The following ZNF439 variants were observed in gnomAD, a reference collection of about 807,000 sequenced individuals.
ZNF439 encodes zinc finger protein 439.
A neutral mutation model predicts 47.3 loss-of-function variants in ZNF439; 40 were observed. That is an observed-to-expected ratio of 0.85 (90% confidence interval 0.66 to 1.10). The LOEUF (loss-of-function observed/expected upper bound fraction) is 1.10. ZNF439 is among the 50% of genes least tolerant of loss of function. ZNF439 has a pLI of 0.00. For synonymous variants in ZNF439, 171 were observed against 198.8 expected (o/e 0.86, Z 1.18); for missense variants, 556 against 601.1 (o/e 0.93, Z 0.78).
chr19:11,849,465 AAC>A (rs2145148992), intron 1 of ZNF439: 1 of 257,674 alleles, frequency 3.9e-6, no homozygotes, highest in Non-Finnish European at 6.1e-6. Flanking sequence ...GGCCGAGGGA[AAC>A]ACAACCCCAA....
chr19:11,867,661 C>A lies in ZNF439; in HGVS notation c.607C>A (p.His203Asn). 6.2e-7 allele frequency: 1 copy of A among 1,614,056 alleles called. No individual in the cohort carries two copies. Among genetic ancestry groups the A allele is most frequent in the Non-Finnish European group, 8.5e-7 (1 of 1,179,988 alleles). ...CKECGKNIIYHSSIQRHMVVH... is the reference protein window; with the variant it reads ...CKECGKNIIYNSSIQRHMVVH... ...AGAATGTGGAAAAAACATTATTTAC[C>A]ATTCAAGCATTCAAAGACACATGGT... Residue 203 changes from histidine (H) to asparagine (N), a missense_variant, in exon 4 of 4, where the codon CAT becomes AAT. By Grantham distance (68) the His-to-Asn change is moderately conservative (BLOSUM62 1). Coordinates refer to ENST00000682736, the MANE Select transcript of ZNF439 (RefSeq NM_001348719.2).
At chr19:11,866,042 A>G (rs1184618647) in intron 1 of ZNF439, 163 bp from the exon 2 acceptor site, 3 of 1,472,506 alleles carry the variant, frequency 2.0e-6, no homozygotes, top group Admixed American at 2.5e-5. Context: ...AAATTGCTTT[A>G]TGGAAGAAAG....
chr19:11,863,220 G>A (rs1250758572), intron 1 of ZNF439, among the ~76,000 whole-genome samples: 1 of 136,618 alleles, frequency 7.3e-6, no homozygotes, highest in Non-Finnish European at 1.5e-5. Flanking sequence ...CCGTGGCACA[G>A]TCTCGGCTCA....
chr19:11,851,916 G>A (rs2112473), intron 1 of ZNF439, among the ~76,000 whole-genome samples: 28,169 of 152,096 alleles, frequency 0.19, 3,458 homozygotes, highest in Non-Finnish European at 0.27. Flanking sequence ...CACAAGTCTT[G>A]GGATTGCAGG....
intron 3 of ZNF439, among the ~76,000 whole-genome samples, 164 bp from the exon 4 acceptor site, chr19:11,867,142 G>A (rs1015079406): frequency 6.6e-6 from 1 of 152,184 alleles, no homozygotes; most frequent in African/African-American, 2.4e-5. Context: ...GTATGGCTAG[G>A]TCACCTTGTA....
At chr19:11,854,508 C>A (rs548415045) in intron 1 of ZNF439, among the ~76,000 whole-genome samples, 110 of 152,292 alleles carry the variant, frequency 7.2e-4, no homozygotes, top group Middle Eastern at 3.4e-3. Context: ...GCCTGTAATC[C>A]CAGCACTTTG....
chr19:11,864,942 G>A (rs138253993), intron 1 of ZNF439, among the ~76,000 whole-genome samples: 51 of 151,992 alleles, frequency 3.4e-4, no homozygotes, highest in African/African-American at 1.1e-3. Context: ...CACCATGCCC[G>A]GCTAATTTTG....
intron 1 of ZNF439, among the ~76,000 whole-genome samples, chr19:11,852,999 G>A (rs886935624): frequency 6.6e-6 from 1 of 151,500 alleles, no homozygotes; most frequent in Non-Finnish European, 1.5e-5. Context: ...GTGCAATCTC[G>A]GCTCACTGCA....
chr19:11,868,021 AG>A lies in ZNF439; in HGVS notation c.969del (p.Thr324ProfsTer27). ...TCCCCGTTATGTTCGTAGACATGAA[AG>A]GACCCACTCTAGGAAAAAACTTTAT... ...MCPRYVRRHE[R>X]THSRKKLYEC... On this transcript the variant is annotated frameshift_variant, in exon 4 of 4. Transcript: ENST00000682736. LOFTEE classifies it high-confidence loss of function. 6.2e-7 allele frequency: 1 copy of A among 1,614,194 alleles called. No individual in the cohort carries two copies. The highest frequency in any genetic ancestry group is 8.5e-7 in the Non-Finnish European group (1 of 1,180,020).
chr19:11,862,370 C>T (rs1423095404), intron 1 of ZNF439, among the ~76,000 whole-genome samples: 1 of 151,866 alleles, frequency 6.6e-6, no homozygotes, highest in Non-Finnish European at 1.5e-5. Context: ...TTGCTTGAGG[C>T]CAGCAGTTAG....
chr19:11,868,085 C>A lies in ZNF439; in HGVS notation c.1031C>A (p.Thr344Lys), dbSNP rs1599328549. 6.2e-7 allele frequency: 1 copy of A among 1,614,150 alleles called. No homozygotes were observed. The highest frequency in any genetic ancestry group is 2.2e-5 in the East Asian group (1 of 44,886). Residue 344 changes from threonine (T) to lysine (K), a missense_variant, in exon 4 of 4, where the codon ACA becomes AAA. By Grantham distance (78) the Thr-to-Lys change is moderately conservative (BLOSUM62 -1). Transcript: ENST00000682736. ...KQCGKALSSL[T>K]SFQTHIRMHS... Reference sequence around the variant, plus strand: ...TGTGGGAAAGCATTATCCTCTCTTACAAGTTTTCAAACACACATAAGAATG... The same window carrying A: ...TGTGGGAAAGCATTATCCTCTCTTAAAAGTTTTCAAACACACATAAGAATG...
In ZNF439 at chr19:11,867,808, T is replaced by C. The variant is rs1976737711; in HGVS notation, c.754T>C (p.Cys252Arg). The stretch of plus-strand genomic sequence containing the variant: ...AGAGAAACCGTATGAATGTAAACAA[T>C]GTGGTAAATCTTTTAGTTATTCTGC... The part of the protein sequence containing the change: ...TGEKPYECKQ[C>R]GKSFSYSATH... Residue 252 changes from cysteine to arginine, a missense_variant, in exon 4 of 4, where the codon TGT becomes CGT. By Grantham distance (180) the Cys-to-Arg change is radical. Transcript: ENST00000682736. The C allele has an allele frequency of 5.6e-6, 9 of 1,613,980 alleles. No individual in the cohort carries two copies. Among genetic ancestry groups the C allele is most frequent in the Non-Finnish European group, 7.6e-6 (9 of 1,179,958 alleles).
At chr19:11,849,315 T>C in intron 1 of ZNF439, 1 of 994,398 alleles carries the variant, frequency 1.0e-6, no homozygotes, top group Non-Finnish European at 1.2e-6. Flanking sequence ...TATACTGAGG[T>C]ACGTTAACAA....
At chr19:11,852,424 G>A (rs1373693819) in intron 1 of ZNF439, among the ~76,000 whole-genome samples, 1 of 152,222 alleles carries the variant, frequency 6.6e-6, no homozygotes, top group Non-Finnish European at 1.5e-5. Flanking sequence ...AAAGCTGTGT[G>A]TCATGTGACT....
At chr19:11,850,937 G>A (rs1976221195) in intron 1 of ZNF439, 1 of 152,064 alleles carries the variant, frequency 6.6e-6, no homozygotes, top group Non-Finnish European at 1.5e-5. Flanking sequence ...AGGCTGAGGT[G>A]GGACAATCAC....
chr19:11,860,269 G>C (rs984174601), intron 1 of ZNF439, among the ~76,000 whole-genome samples: 1 of 151,980 alleles, frequency 6.6e-6, no homozygotes, highest in African/African-American at 2.4e-5. Context: ...GTGAAACCCC[G>C]TCTTTACTAA....
At chr19:11,849,102 G>T in intron 1 of ZNF439, 172 bp downstream of exon 1, 1 of 1,203,986 alleles carries the variant, frequency 8.3e-7, no homozygotes, top group South Asian at 1.6e-5. Flanking sequence ...GGGACTCCGG[G>T]CGTCCTGTCC....
rs371200112 is a variant in ZNF439 at position 11,855,582 on chromosome 19, A to G, written c.63+6652A>G. ...TCTAAGAGTCTAACTGTTCTATGCC[A>G]TGGGGAGTTAGGGGTCCTGGAGCCC... On this transcript the variant is annotated intron_variant, in intron 1 of 3. Transcript: ENST00000682736. Among the ~76,000 whole-genome samples, 114 of 152,290 alleles carry G rather than the reference A, an allele frequency of 7.5e-4. 1 individual carries two copies. The South Asian group carries it at 0.022, about 30-fold the overall frequency.
chr19:11,862,754 T>C (rs1301777454), intron 1 of ZNF439, among the ~76,000 whole-genome samples: 8 of 152,128 alleles, frequency 5.3e-5, no homozygotes, highest in African/African-American at 1.7e-4. Flanking sequence ...TGTTTTTTTT[T>C]TTCTTCTTTT....
Sources: gnomAD v4.1 joint callset for allele counts (sites outside exome capture counted in the v4.1 genomes callset) on GRCh38, gnomAD v4.1.1 for gene constraint, MANE v1.5 for transcripts, NCBI Gene and HGNC (gene_info 2026-07-23, HGNC 2026-07-21) for gene names.